Variants in GMDS observed in about 807,000 individuals in gnomAD.
The protein encoded by GMDS is GDP-mannose 4,6 dehydratase.
GMDS carries 20 observed loss-of-function variants against 49.9 expected under a neutral mutation model. The observed-to-expected ratio is 0.40, with a 90% CI of 0.28 to 0.58. GMDS has a LOEUF of 0.58. Ranked by LOEUF, GMDS falls within the 20% of genes least tolerant of loss-of-function variation. GMDS has a pLI of 0.42. For synonymous variants in GMDS, 177 were observed against 178.6 expected, an observed-to-expected ratio of 0.99 and a Z score of 0.07; for missense variants, 362 against 481.4, an observed-to-expected ratio of 0.75 and a Z score of 2.32.
intron 1 of GMDS, among the ~76,000 whole-genome samples, chr6:2,163,677 G>C (rs1356990824): frequency 6.6e-6 from 1 of 152,226 alleles, no homozygotes; most frequent in African/African-American, 2.4e-5. Flanking sequence ...CTTGTTAAGA[G>C]GGTCAACCTT....
chr6:1,936,883 T>C (rs1762575415), intron 6 of GMDS, among the ~76,000 whole-genome samples: 1 of 151,222 alleles, frequency 6.6e-6, no homozygotes, highest in Non-Finnish European at 1.5e-5. Flanking sequence ...ACGAAAATCA[T>C]TTGAACCTGG....
chr6:1,782,377 T>C (rs900694775), intron 7 of GMDS, among the ~76,000 whole-genome samples: 3 of 152,218 alleles, frequency 2.0e-5, no homozygotes, highest in African/African-American at 7.2e-5. Context: ...TACTTATTTA[T>C]CTTGAGTAAG....
chr6:1,841,110 C>T (rs1373363575), intron 7 of GMDS, among the ~76,000 whole-genome samples: 1 of 151,894 alleles, frequency 6.6e-6, no homozygotes, highest in Non-Finnish European at 1.5e-5. Flanking sequence ...GCTTTGTTGA[C>T]TAATGTTTTA....
intron 7 of GMDS, among the ~76,000 whole-genome samples, chr6:1,897,424 T>C (rs1268048761): frequency 6.6e-6 from 1 of 152,156 alleles, no homozygotes; most frequent in Non-Finnish European, 1.5e-5. Context: ...GGTGGCAAAA[T>C]TCAGCCCATA....
intron 9 of GMDS, among the ~76,000 whole-genome samples, chr6:1,641,141 T>C (rs62390640): frequency 0.11 from 17,097 of 152,274 alleles, 1,122 homozygotes; most frequent in Non-Finnish European, 0.15. Context: ...TGGTGGCTAC[T>C]CACATGCTGG....
chr6:1,898,302 TAAA>T (rs1760322713), intron 7 of GMDS, among the ~76,000 whole-genome samples: 2 of 152,234 alleles, frequency 1.3e-5, no homozygotes, highest in Admixed American at 1.3e-4. Flanking sequence ...AATCACCTTC[TAAA>T]TAAAATTATT....
At chr6:1,787,007 C>A (rs1437473557) in intron 7 of GMDS, among the ~76,000 whole-genome samples, 1 of 152,200 alleles carries the variant, frequency 6.6e-6, no homozygotes, top group Non-Finnish European at 1.5e-5. Flanking sequence ...TCAGCAAGCT[C>A]AGCCCCGCAG....
chr6:1,778,953 A>G lies in GMDS; in HGVS notation c.772-36367T>C, dbSNP rs1037262455. 2.0e-5 allele frequency among the ~76,000 whole-genome samples: 3 copies of G among 152,112 alleles called. No homozygotes were observed. The highest frequency in any genetic ancestry group is 6.5e-5 in the Admixed American group (1 of 15,278). On this transcript the variant is annotated intron_variant, in intron 7 of 10. Transcript: ENST00000380815. This position sits in a 1 kb window ranked among gnomAD's most constrained non-coding sequence, Gnocchi z 4.6. Reference sequence around the variant, plus strand: ...TCTTATTGCCGTGTCTGGCCCTTCAAAGGCCTACCCCATCATCTCGCAGTG... The same window carrying G: ...TCTTATTGCCGTGTCTGGCCCTTCAGAGGCCTACCCCATCATCTCGCAGTG...
At chr6:1,922,892 T>C (rs1424273108) in intron 7 of GMDS, among the ~76,000 whole-genome samples, 1 of 152,218 alleles carries the variant, frequency 6.6e-6, no homozygotes, top group African/African-American at 2.4e-5. Context: ...CATCTTGAAT[T>C]GTAGCTCCCA....
At chr6:1,696,110 G>A (rs984848078) in intron 9 of GMDS, among the ~76,000 whole-genome samples, 1 of 151,832 alleles carries the variant, frequency 6.6e-6, no homozygotes, top group Non-Finnish European at 1.5e-5. Context: ...TGCAGGAGAG[G>A]GTGATTCTGT....
intron 7 of GMDS, among the ~76,000 whole-genome samples, chr6:1,775,773 T>C (rs1395350488): frequency 1.3e-5 from 2 of 152,210 alleles, no homozygotes; most frequent in Non-Finnish European, 2.9e-5. Context: ...ACACGGTTCT[T>C]TGAAATACAG....
intron 1 of GMDS, among the ~76,000 whole-genome samples, chr6:2,126,704 G>A (rs576972488): frequency 6.6e-6 from 1 of 152,172 alleles, no homozygotes; most frequent in South Asian, 2.1e-4. Context: ...CTGTTATCGT[G>A]GCTCACTGCA....
intron 7 of GMDS, among the ~76,000 whole-genome samples, chr6:1,760,713 T>A (rs1768125080): frequency 6.6e-6 from 1 of 152,224 alleles, no homozygotes; most frequent in African/African-American, 2.4e-5. Flanking sequence ...CACAAAAATC[T>A]AGATGTCAAG....
intron 7 of GMDS, among the ~76,000 whole-genome samples, chr6:1,862,150 ATACT>A (rs1581268521): frequency 6.6e-6 from 1 of 152,370 alleles, no homozygotes; most frequent in South Asian, 2.1e-4. Context: ...GAAAGAGCAG[ATACT>A]TACTTCTGCA....
chr6:1,978,030 T>C (rs1434550331), intron 4 of GMDS, among the ~76,000 whole-genome samples: 1 of 152,182 alleles, frequency 6.6e-6, no homozygotes, highest in East Asian at 1.9e-4. Context: ...CCTACTGTCT[T>C]GGAATTCCAG....
intron 7 of GMDS, among the ~76,000 whole-genome samples, chr6:1,762,639 T>C (rs1205790779): frequency 6.6e-6 from 1 of 152,208 alleles, no homozygotes; most frequent in Admixed American, 6.5e-5. Flanking sequence ...CACTTTGAGG[T>C]GGTGTTTACG....
intron 9 of GMDS, among the ~76,000 whole-genome samples, chr6:1,637,047 C>T (rs1352844460): frequency 6.6e-6 from 1 of 152,244 alleles, no homozygotes; most frequent in East Asian, 1.9e-4. Flanking sequence ...CCGCACTGTG[C>T]CTCCTAGCCC....
chr6:2,066,780 T>C (rs1352195829), intron 4 of GMDS, among the ~76,000 whole-genome samples: 3 of 151,980 alleles, frequency 2.0e-5, no homozygotes, highest in African/African-American at 7.3e-5. Context: ...CTGAGTGAAC[T>C]ACAAAGAGAC....
intron 9 of GMDS, among the ~76,000 whole-genome samples, chr6:1,703,723 AGCCCAGG>A (rs1206884116): frequency 1.7e-4 from 26 of 152,242 alleles, no homozygotes; most frequent in African/African-American, 6.0e-4. Context: ...GTGTGAAAGC[AGCCCAGG>A]GCTGAGCTGC....
Sources: gnomAD v4.1 joint callset for allele counts (sites outside exome capture counted in the v4.1 genomes callset) on GRCh38, gnomAD v4.1.1 for gene constraint, Gnocchi (gnomAD v3.1) non-coding constraint, MANE v1.5 for transcripts, NCBI Gene and HGNC (gene_info 2026-07-23, HGNC 2026-07-21) for gene names.